PTPRN2: variants seen among roughly 807,000 people sequenced by gnomAD.
PTPRN2 encodes the protein receptor-type tyrosine-protein phosphatase N2.
PTPRN2 carries 74 observed loss-of-function variants against 118.8 expected under a neutral mutation model. The observed-to-expected ratio is 0.62, with a 90% CI of 0.52 to 0.76. The LOEUF (loss-of-function observed/expected upper bound fraction) is 0.76, where lower values mean the gene tolerates loss of function less well. Ranked by LOEUF, PTPRN2 falls within the 30% of genes least tolerant of loss-of-function variation. PTPRN2 has a pLI of 0.00. For missense variants in PTPRN2, 1,481 were observed against 1,394.4 expected (o/e 1.06, Z -0.99); for synonymous variants, 641 against 608.0 (o/e 1.05, Z -0.80).
chr7:157,751,268 C>T (rs1801448674), intron 12 of PTPRN2, among the ~76,000 whole-genome samples: 1 of 152,158 alleles, frequency 6.6e-6, no homozygotes. Context: ...GAGACAGGCT[C>T]AATTCCAGTT....
intron 11 of PTPRN2, chr7:158,030,329 C>A (rs965625756): frequency 2.0e-5 from 3 of 152,242 alleles, no homozygotes; most frequent in African/African-American, 7.2e-5. Flanking sequence ...GGCAGCTCTG[C>A]GCAAGCACCT....
chr7:157,772,292 C>CACACAGACAT (rs779391671), intron 12 of PTPRN2, among the ~76,000 whole-genome samples: 1 of 151,056 alleles, frequency 6.6e-6, no homozygotes, highest in African/African-American at 2.5e-5. Flanking sequence ...GACACACAAA[C>CACACAGACAT]ACACAGACAT....
chr7:158,541,625 G>A (rs777300744), intron 1 of PTPRN2: 8 of 1,349,260 alleles, frequency 5.9e-6, no homozygotes, highest in Non-Finnish European at 7.8e-6. Context: ...CATTTCACAA[G>A]CTCTTTGCAA....
intron 3 of PTPRN2, among the ~76,000 whole-genome samples, chr7:158,296,789 C>CA (rs1800534588): frequency 6.6e-6 from 1 of 152,222 alleles, no homozygotes; most frequent in African/African-American, 2.4e-5. Flanking sequence ...CCTCCTGACC[C>CA]ACTCTCTTCT....
At chr7:158,408,881 T>C (rs988801678) in intron 2 of PTPRN2, among the ~76,000 whole-genome samples, 1 of 152,122 alleles carries the variant, frequency 6.6e-6, no homozygotes, top group African/African-American at 2.4e-5. Context: ...CCCAGTCATA[T>C]TAACATTGAC....
intron 3 of PTPRN2, among the ~76,000 whole-genome samples, chr7:158,246,783 G>A (rs192656576): frequency 1.3e-5 from 2 of 151,948 alleles, no homozygotes; most frequent in Admixed American, 1.3e-4. Context: ...CCCCAGGCGT[G>A]TGCTTCCCAT....
At chr7:157,750,354 G>A (rs989240539) in intron 12 of PTPRN2, among the ~76,000 whole-genome samples, 1 of 152,164 alleles carries the variant, frequency 6.6e-6, no homozygotes, top group Admixed American at 6.5e-5. Context: ...CGGCAATGAG[G>A]CTGGCCGGAT....
intron 1 of PTPRN2, among the ~76,000 whole-genome samples, chr7:158,579,740 T>G (rs1828528303): frequency 6.6e-6 from 1 of 152,240 alleles, no homozygotes. Flanking sequence ...GAATCCTCTT[T>G]CTATTTCAGT....
intron 11 of PTPRN2, among the ~76,000 whole-genome samples, chr7:158,057,082 CG>C (rs1809849268): frequency 6.6e-6 from 1 of 152,100 alleles, no homozygotes; most frequent in Non-Finnish European, 1.5e-5. Context: ...AACTCGGGGA[CG>C]CTGCCCAGCT....
intron 12 of PTPRN2, among the ~76,000 whole-genome samples, chr7:157,816,033 A>G (rs1175284530): frequency 6.6e-6 from 1 of 152,156 alleles, no homozygotes; most frequent in African/African-American, 2.4e-5. Context: ...GCACGTACAG[A>G]TCACGCCCTC....
intron 3 of PTPRN2, among the ~76,000 whole-genome samples, chr7:158,234,482 A>G (rs1829391188): frequency 6.6e-6 from 1 of 152,236 alleles, no homozygotes; most frequent in Non-Finnish European, 1.5e-5. Flanking sequence ...TATAGTCATC[A>G]AATAAAAACA....
At chr7:158,198,909 C>T (rs1185185965) in intron 4 of PTPRN2, among the ~76,000 whole-genome samples, 6 of 73,846 alleles carry the variant, frequency 8.1e-5, no homozygotes, top group Admixed American at 1.4e-4. Context: ...CTCAGGTCCT[C>T]CTTAGCCCTT....
chr7:158,239,494 G>T (rs1402240627), intron 3 of PTPRN2, among the ~76,000 whole-genome samples: 1 of 152,150 alleles, frequency 6.6e-6, no homozygotes, highest in Non-Finnish European at 1.5e-5. Flanking sequence ...CCGTCAGAAG[G>T]TTCCAGAGGG....
rs143088074 is a variant in PTPRN2 at position 157,990,927 on chromosome 7, C to T, written c.1723+90371G>A. Among the ~76,000 whole-genome samples the T allele has an allele frequency of 3.6e-3, 541 of 152,324 alleles. 5 individuals carry two copies. Among genetic ancestry groups the T allele is most frequent in the African/African-American group, 0.012 (513 of 41,578 alleles). On this transcript the variant is annotated intron_variant, in intron 11 of 22. Transcript: ENST00000389418. This position sits in a 1 kb window ranked among gnomAD's most constrained non-coding sequence, Gnocchi z 4.3. The stretch of plus-strand genomic sequence containing the variant: ...AGAGAGCTGCTGGTGTCAACCCTGC[C>T]AGCAAGATGTGCCCCAGATCCCCAG...
chr7:158,217,922 C>A (rs1471377108), intron 3 of PTPRN2, among the ~76,000 whole-genome samples: 2 of 152,092 alleles, frequency 1.3e-5, no homozygotes, highest in Admixed American at 6.6e-5. Flanking sequence ...ATGAATAAAA[C>A]CTCTGAAAAG....
chr7:158,482,467 T>C (rs189626353), intron 2 of PTPRN2, among the ~76,000 whole-genome samples: 12 of 152,290 alleles, frequency 7.9e-5, no homozygotes, highest in African/African-American at 2.6e-4. Context: ...GGCAAGACCC[T>C]CCACCCGCAG....
At chr7:158,146,036 A>C (rs891076659) in intron 6 of PTPRN2, among the ~76,000 whole-genome samples, 15 of 149,934 alleles carry the variant, frequency 1.0e-4, no homozygotes, top group African/African-American at 3.7e-4. Flanking sequence ...GGAGAGGATG[A>C]GAAATCATTT....
intron 6 of PTPRN2, among the ~76,000 whole-genome samples, chr7:158,157,088 C>A (rs892322646): frequency 6.6e-6 from 1 of 151,690 alleles, no homozygotes; most frequent in Non-Finnish European, 1.5e-5. Flanking sequence ...CTCTGGAAGG[C>A]CTCCCCATTG....
chr7:158,192,159 G>T (rs1825815347), intron 5 of PTPRN2, among the ~76,000 whole-genome samples, 168 bp downstream of exon 5: 1 of 152,198 alleles, frequency 6.6e-6, no homozygotes, highest in Admixed American at 6.5e-5. Context: ...GGGAGCAGGT[G>T]TCGCTCTAAG....
Sources: gnomAD v4.1 joint callset for allele counts (sites outside exome capture counted in the v4.1 genomes callset) on GRCh38, gnomAD v4.1.1 for gene constraint, Gnocchi (gnomAD v3.1) non-coding constraint, MANE v1.5 for transcripts, NCBI Gene and HGNC (gene_info 2026-07-23, HGNC 2026-07-21) for gene names.